The following SLC39A14 variants were observed in gnomAD, a reference collection of about 807,000 sequenced individuals.
SLC39A14 encodes metal cation symporter ZIP14.
In SLC39A14, 19 loss-of-function variants were observed where a neutral mutation model predicts 45.5. That is an observed-to-expected ratio of 0.42 (90% CI 0.29 to 0.61). SLC39A14 has a LOEUF of 0.61. SLC39A14 is among the 20% of genes least tolerant of loss of function. SLC39A14 has a pLI of 0.22. For missense variants in SLC39A14, 447 were observed against 616.5 expected (o/e 0.73, Z 2.91); for synonymous variants, 264 against 251.3 (o/e 1.05, Z -0.48).
intron 1 of SLC39A14, among the ~76,000 whole-genome samples, chr8:22,403,244 G>C (rs1010431994): frequency 9.9e-5 from 15 of 151,726 alleles, no homozygotes; most frequent in African/African-American, 3.6e-4. Flanking sequence ...CCAAAGTGCT[G>C]GGATTACAGG....
Position 22,412,182 on chromosome 8 carries a change from C to A in SLC39A14, c.603C>A (p.Asn201Lys), listed in dbSNP as rs370343557. The change falls in exon 4 of 9, where the codon AAC (asparagine) becomes AAA (lysine). Residue 201 changes from asparagine (N) to lysine (K), a missense_variant. This residue lies in a region of SLC39A14 where 342 missense variants were observed against 428.1 expected (regional missense o/e 0.80). Transcript: ENST00000381237. ...IALAIGTLYS[N>K]ALFQLIPEAF... The stretch of plus-strand genomic sequence containing the variant: ...TGGCGATTGGAACCCTCTACTCCAA[C>A]GCCCTCTTCCAGCTCATCCCGGAGG... The A allele has an allele frequency of 6.4e-7, 1 of 1,551,726 alleles. No homozygotes were observed. The highest frequency in any genetic ancestry group is 8.7e-7 in the Non-Finnish European group (1 of 1,146,998).
chr8:22,380,551 G>T (rs1281825188), intron 1 of SLC39A14, among the ~76,000 whole-genome samples: 1 of 152,178 alleles, frequency 6.6e-6, no homozygotes, highest in Non-Finnish European at 1.5e-5. Context: ...CACAGATGCA[G>T]TCGAAGACTG....
At chr8:22,398,755 C>T (rs938476840) in intron 1 of SLC39A14, 9 of 985,186 alleles carry the variant, frequency 9.1e-6, no homozygotes, top group African/African-American at 7.0e-5. Flanking sequence ...ACAGAAGTGC[C>T]GCTTCTAGGC....
At chr8:22,379,489 C>T (rs1335320152) in intron 1 of SLC39A14, 2 of 152,264 alleles carry the variant, frequency 1.3e-5, no homozygotes, top group Non-Finnish European at 2.9e-5. Flanking sequence ...CTGCTCCCCT[C>T]ATGGTGACAC....
chr8:22,404,674 C>T (rs779024252), intron 1 of SLC39A14, 22 bp from the exon 2 acceptor site: 13 of 1,597,408 alleles, frequency 8.1e-6, no homozygotes, highest in Non-Finnish European at 1.1e-5. Context: ...GCCTCAGCTT[C>T]ACCTGCCTTT....
At position 22,420,211 on chromosome 8, in the gene SLC39A14, G is replaced by A; in HGVS notation, c.*513G>A. ...CCATTTTTTCAAAGTCTGTTTAATTGCCTATTACTTCTCTCAAAGAGAACC... is the reference window on the plus strand; with the variant it reads ...CCATTTTTTCAAAGTCTGTTTAATTACCTATTACTTCTCTCAAAGAGAACC... On this transcript the variant is annotated 3_prime_UTR_variant, in exon 9 of 9. Coordinates refer to ENST00000381237, the MANE Select transcript of SLC39A14 (RefSeq NM_001128431.4). The A allele has an allele frequency of 1.0e-6, 1 of 985,940 alleles. No individual in the cohort carries two copies. The highest frequency in any genetic ancestry group is 1.2e-6 in the Non-Finnish European group (1 of 830,364). 61.1% of individuals were successfully genotyped at this position (985,940 alleles called of 1,614,324 possible).
chr8:22,395,482 T>G (rs1250497842), intron 1 of SLC39A14, among the ~76,000 whole-genome samples: 3 of 152,198 alleles, frequency 2.0e-5, no homozygotes, highest in Non-Finnish European at 4.4e-5. Flanking sequence ...CATATAGGAG[T>G]TAATTTATAT....
At chr8:22,400,470 TCA>T (rs1173130338) in intron 1 of SLC39A14, among the ~76,000 whole-genome samples, 1 of 152,220 alleles carries the variant, frequency 6.6e-6, no homozygotes, top group African/African-American at 2.4e-5. Context: ...CATCGACAGT[TCA>T]CAGTCTGCTC....
intron 8 of SLC39A14, among the ~76,000 whole-genome samples, chr8:22,432,520 C>G (rs1836482167): frequency 1.3e-5 from 2 of 151,618 alleles, no homozygotes; most frequent in South Asian, 4.2e-4. Context: ...GCTCTGCCAC[C>G]CAGGCTGTAG....
At chr8:22,381,562 G>A (rs1025204165) in intron 1 of SLC39A14, among the ~76,000 whole-genome samples, 2 of 152,214 alleles carry the variant, frequency 1.3e-5, no homozygotes, top group Non-Finnish European at 2.9e-5. Context: ...GAGCCATAGC[G>A]CCCGGCCCCT....
chr8:22,409,646 T>A (rs1835448445), intron 3 of SLC39A14, among the ~76,000 whole-genome samples: 1 of 152,078 alleles, frequency 6.6e-6, no homozygotes, highest in Non-Finnish European at 1.5e-5. Flanking sequence ...CCTCCCAAAG[T>A]GCTGGGATTA....
At chr8:22,406,185 A>T (rs562036922) in intron 2 of SLC39A14, among the ~76,000 whole-genome samples, 1 of 152,326 alleles carries the variant, frequency 6.6e-6, no homozygotes, top group African/African-American at 2.4e-5. Flanking sequence ...ACTGTGGCTC[A>T]CGCCTGTAAT....
At position 22,408,334 on chromosome 8, in the gene SLC39A14, A is replaced by G; in HGVS notation, c.295A>G (p.Thr99Ala). Reference sequence around the variant, plus strand: ...GTGCTTTAGTTCTGGAGACCTCTTCACTGCCCACAATTTCAGCGAGCAGTC... The same window carrying G: ...GTGCTTTAGTTCTGGAGACCTCTTCGCTGCCCACAATTTCAGCGAGCAGTC... ...STCFSSGDLF[T>A]AHNFSEQSRI... The change falls in exon 3 of 9, where the codon ACT becomes GCT. Residue 99 changes from threonine to alanine, a missense_variant. Transcript: ENST00000381237. 2 of 1,614,122 alleles carry G rather than the reference A, an allele frequency of 1.2e-6. No homozygotes were observed. The highest frequency in any genetic ancestry group is 1.7e-6 in the Non-Finnish European group (2 of 1,180,012).
chr8:22,428,791 G>C (rs1836426134), intron 8 of SLC39A14, among the ~76,000 whole-genome samples: 1 of 152,154 alleles, frequency 6.6e-6, no homozygotes, highest in South Asian at 2.1e-4. Context: ...TGACTGCATG[G>C]AAGACTGCCT....
intron 8 of SLC39A14, 49 bp from the exon 9 acceptor site, chr8:22,419,503 C>A (rs1290147025): frequency 5.8e-6 from 9 of 1,558,682 alleles, no homozygotes; most frequent in Non-Finnish European, 7.9e-6. Flanking sequence ...CCTGGACTTA[C>A]AAGATGAAGA....
At chr8:22,396,677 A>C (rs1290908754) in intron 1 of SLC39A14, among the ~76,000 whole-genome samples, 1 of 148,998 alleles carries the variant, frequency 6.7e-6, no homozygotes, top group Non-Finnish European at 1.5e-5. Context: ...CTTCCAAGGG[A>C]GTCAGCCCAT....
chr8:22,369,759 G>A (rs913160327), intron 1 of SLC39A14, among the ~76,000 whole-genome samples: 2 of 152,172 alleles, frequency 1.3e-5, no homozygotes, highest in East Asian at 1.9e-4. Flanking sequence ...GCAGGATGTC[G>A]TGATTTTGCC....
At chr8:22,405,965 T>C (rs1023292068) in intron 2 of SLC39A14, among the ~76,000 whole-genome samples, 3 of 152,178 alleles carry the variant, frequency 2.0e-5, no homozygotes, top group African/African-American at 7.2e-5. Context: ...ACTGTCACGA[T>C]GGGGAGTTCA....
At chr8:22,375,544 G>A (rs1254049690) in intron 1 of SLC39A14, among the ~76,000 whole-genome samples, 1 of 151,666 alleles carries the variant, frequency 6.6e-6, no homozygotes, top group African/African-American at 2.4e-5. Flanking sequence ...GGAGTGCAGT[G>A]GCACAATCTC....
Sources: gnomAD v4.1 joint callset for allele counts (sites outside exome capture counted in the v4.1 genomes callset) on GRCh38, gnomAD v4.1.1 for gene constraint, gnomAD v4.1.1 regional missense constraint, MANE v1.5 for transcripts, NCBI Gene and HGNC (gene_info 2026-07-23, HGNC 2026-07-21) for gene names.